Variants in MINDY4 observed in about 807,000 individuals in gnomAD.
MINDY4 encodes the protein probable ubiquitin carboxyl-terminal hydrolase MINDY-4.
Under a neutral mutation model 87.0 loss-of-function variants are expected in MINDY4, and 68 were observed. The ratio of observed to expected loss-of-function variants is 0.78; its 90% CI spans 0.64 to 0.96. The LOEUF is 0.96. MINDY4 is among the 40% of genes least tolerant of loss of function. The probability of loss-of-function intolerance (pLI) is 0.00; values close to 1 mark genes in which losing one functional copy is unlikely to be tolerated. For synonymous variants in MINDY4, 379 were observed against 363.2 expected (o/e 1.04, Z -0.50); for missense variants, 919 against 928.2 (o/e 0.99, Z 0.13).
At position 30,812,504 on chromosome 7, in the gene MINDY4, A is replaced by C. The variant is rs186492775; in HGVS notation, c.1074-16175A>C. Among the ~76,000 whole-genome samples, 262 of 152,356 alleles carry C rather than the reference A, an allele frequency of 1.7e-3. 1 individual carries two copies. Among genetic ancestry groups the C allele is most frequent in the Middle Eastern group, 0.01 (3 of 294 alleles). ...TCTTATCTCTGGGTAATGATCATAA[A>C]GAAGTGGAACCAGGTTTGTTATTCA... On this transcript the variant is annotated intron_variant, in intron 5 of 17. Transcript: ENST00000265299.
chr7:30,834,995 C>T (rs1433258785), intron 6 of MINDY4, among the ~76,000 whole-genome samples: 3 of 152,206 alleles, frequency 2.0e-5, no homozygotes, highest in Non-Finnish European at 4.4e-5. Context: ...CCCACATTTT[C>T]CTGTCTTCTT....
Position 30,785,073 on chromosome 7 carries a change from C to CTTT in MINDY4, c.420-663_420-661dup, listed in dbSNP as rs70983391. Among the ~76,000 whole-genome samples the CTTT allele has an allele frequency of 5.7e-5, 8 of 141,510 alleles. 1 individual carries two copies. Among genetic ancestry groups the CTTT allele is most frequent in the Non-Finnish European group, 9.2e-5 (6 of 65,342 alleles). The allele number at this position is 141,510 out of a possible 152,430, so 92.8% of individuals were successfully genotyped here. A position where few individuals can be genotyped will look rare whatever the true frequency, so the allele number is the denominator to read the frequency against. ...GCTTATTCTCACTGTCTCTTGCCTT[C>CTTT]TTTTTTTTTTTTTTTAATTGATCCA... is the stretch of plus-strand genomic sequence containing the variant. On this transcript the variant is annotated intron_variant, in intron 3 of 17. Coordinates refer to ENST00000265299, the MANE Select transcript of MINDY4 (RefSeq NM_032222.3).
rs772812266 is a variant in MINDY4, at chr7:30,850,452, A to G, written c.1446-2A>G. ...TAAATGCCTTCCTTTTCTTGTCCGC[A>G]GGGGACTGCAGCCTTCAGATGCCCA... On this transcript the variant is annotated splice_acceptor_variant, in intron 9 of 17. Coordinates refer to ENST00000265299, the MANE Select transcript of MINDY4 (RefSeq NM_032222.3). LOFTEE classifies it high-confidence loss of function. 1.9e-5 allele frequency: 30 copies of G among 1,610,586 alleles called. No homozygotes were observed. The South Asian group carries it at 3.3e-4, about 18-fold the overall frequency.
chr7:30,835,811 G>T (rs1033162377), intron 6 of MINDY4, among the ~76,000 whole-genome samples: 12 of 152,208 alleles, frequency 7.9e-5, no homozygotes, highest in African/African-American at 2.9e-4. Flanking sequence ...GTTTCTCCCT[G>T]GGTCCTTTAT....
In MINDY4 at chr7:30,785,882, C is replaced by T. The variant is rs1787146793; in HGVS notation, c.553C>T (p.Leu185Phe). 6.2e-7 allele frequency: 1 copy of T among 1,614,202 alleles called. No individual in the cohort carries two copies. Among genetic ancestry groups the T allele is most frequent in the Admixed American group, 1.7e-5 (1 of 60,032 alleles). ...TTCTGCATGGGAGAAGATAGACAAG[C>T]TTCACTCGGAGCCTTCCTTGGATGT... ...LTSAWEKIDK[L>F]HSEPSLDVKR... The change falls in exon 4 of 18, where the codon CTT (leucine) becomes TTT (phenylalanine). Residue 185 changes from leucine (L) to phenylalanine (F), a missense_variant. By Grantham distance (22) the Leu-to-Phe change is conservative (BLOSUM62 0). Transcript: ENST00000265299.
Position 30,794,091 on chromosome 7 carries a change from G to A in MINDY4, c.1073+2517G>A, listed in dbSNP as rs148023300. Among the ~76,000 whole-genome samples, 378 of 152,252 alleles carry A rather than the reference G, an allele frequency of 2.5e-3. 1 individual carries two copies. Among genetic ancestry groups the A allele is most frequent in the African/African-American group, 8.7e-3 (361 of 41,544 alleles). The stretch of plus-strand genomic sequence containing the variant: ...AGCTCTCTCTCACTGCCTCAGCGAG[G>A]CGTCTTTGTGTAGTGCACATACTAC... On this transcript the variant is annotated intron_variant, in intron 5 of 17. Transcript: ENST00000265299.
intron 5 of MINDY4, among the ~76,000 whole-genome samples, chr7:30,822,206 C>T (rs1025540681): frequency 1.1e-4 from 16 of 151,108 alleles, no homozygotes; most frequent in Non-Finnish European, 1.5e-5. Flanking sequence ...GAGACAGAGT[C>T]TTGCTCTGAC....
chr7:30,887,221 C>T (rs1417159701), intron 17 of MINDY4, among the ~76,000 whole-genome samples: 4 of 152,146 alleles, frequency 2.6e-5, no homozygotes, highest in East Asian at 1.9e-4. Context: ...TCCCACCCAT[C>T]GGAGGAGCAT....
At chr7:30,797,233 C>T (rs1161299729) in intron 5 of MINDY4, among the ~76,000 whole-genome samples, 1 of 152,224 alleles carries the variant, frequency 6.6e-6, no homozygotes, top group African/African-American at 2.4e-5. Flanking sequence ...GTGAACAAAG[C>T]AGATTGAGTC....
chr7:30,853,522 A>G (rs1789482308), intron 12 of MINDY4, 63 bp downstream of exon 12: 15 of 1,382,064 alleles, frequency 1.1e-5, no homozygotes, highest in Non-Finnish European at 1.5e-5. Context: ...TCACTGTGGG[A>G]ACAATGCTGT....
At chr7:30,777,334 C>A (rs1408635978) in intron 1 of MINDY4, among the ~76,000 whole-genome samples, 1 of 152,206 alleles carries the variant, frequency 6.6e-6, no homozygotes, top group Non-Finnish European at 1.5e-5. Context: ...ATCACTTTGA[C>A]TGGAGGGAAA....
At chr7:30,832,431 T>C (rs536950285) in intron 6 of MINDY4, among the ~76,000 whole-genome samples, 1 of 152,352 alleles carries the variant, frequency 6.6e-6, no homozygotes, top group East Asian at 1.9e-4. Context: ...ATCACACATC[T>C]CTTTTCCTCC....
At chr7:30,804,939 G>A (rs910308081) in intron 5 of MINDY4, among the ~76,000 whole-genome samples, 1 of 152,208 alleles carries the variant, frequency 6.6e-6, no homozygotes, top group Non-Finnish European at 1.5e-5. Flanking sequence ...TGGGCAAGTT[G>A]GTGTAGCTGG....
intron 17 of MINDY4, among the ~76,000 whole-genome samples, chr7:30,889,488 A>G (rs1156261012): frequency 6.6e-6 from 1 of 152,210 alleles, no homozygotes; most frequent in Non-Finnish European, 1.5e-5. Context: ...TAGTATCAGC[A>G]ATGGGCACTC....
At chr7:30,878,832 G>A (rs934776089) in intron 15 of MINDY4, among the ~76,000 whole-genome samples, 1 of 152,172 alleles carries the variant, frequency 6.6e-6, no homozygotes, top group Non-Finnish European at 1.5e-5. Context: ...TCAACCAGGA[G>A]CACGTCCTCT....
chr7:30,838,675 A>G (rs1353387713), intron 7 of MINDY4, among the ~76,000 whole-genome samples: 1 of 152,194 alleles, frequency 6.6e-6, no homozygotes, highest in Non-Finnish European at 1.5e-5. Context: ...GCACTAGAGC[A>G]CTGGCTCTCA....
intron 13 of MINDY4, among the ~76,000 whole-genome samples, chr7:30,870,300 G>GC (rs888368789): frequency 1.3e-5 from 2 of 152,148 alleles, no homozygotes; most frequent in African/African-American, 2.4e-5. Context: ...ATGCTTATCG[G>GC]CCCCCCCTCA....
At chr7:30,778,583 T>G (rs1786900331) in intron 2 of MINDY4, 32 bp downstream of exon 2, 1 of 1,613,356 alleles carries the variant, frequency 6.2e-7, no homozygotes. Flanking sequence ...GTGTGGAGTC[T>G]TGGAACTGAG....
In MINDY4 at chr7:30,842,619, AT is replaced by A. The variant is rs201112733; in HGVS notation, c.1445+1773del. ...TACAGGTGCCCTCATGGCACCTATG[AT>A]TGAACAGGAGAGCCAGACAGGAACA... is the stretch of plus-strand genomic sequence containing the variant. On this transcript the variant is annotated intron_variant, in intron 9 of 17. Transcript: ENST00000265299. 7.5e-3 allele frequency among the ~76,000 whole-genome samples: 1,140 copies of A among 152,274 alleles called. 14 individuals are homozygous for A. The highest frequency in any genetic ancestry group is 0.026 in the African/African-American group (1,079 of 41,552).
Sources: allele counts gnomAD v4.1 joint callset (sites outside exome capture counted in the v4.1 genomes callset), GRCh38; gene constraint gnomAD v4.1.1; transcripts MANE v1.5; gene names NCBI Gene and HGNC (gene_info 2026-07-23, HGNC 2026-07-21).